Variants in TLL2 observed in about 807,000 individuals in gnomAD.
TLL2 encodes the protein tolloid-like protein 2.
A neutral mutation model predicts 123.0 loss-of-function variants in TLL2; 106 were observed. The ratio of observed to expected loss-of-function variants is 0.86; its 90% CI spans 0.74 to 1.01. TLL2 has a LOEUF of 1.01. TLL2 is among the 50% of genes least tolerant of loss of function. The pLI is 0.00. For synonymous variants in TLL2, 494 were observed against 516.8 expected (o/e 0.96, Z 0.60); for missense variants, 1,332 against 1,336.7 (o/e 1.00, Z 0.06).
intron 6 of TLL2, among the ~76,000 whole-genome samples, chr10:96,421,434 C>T (rs982748485): frequency 1.3e-5 from 2 of 152,174 alleles, no homozygotes; most frequent in African/African-American, 4.8e-5. Flanking sequence ...GAGGCCAAGG[C>T]GGGTGGATCG....
intron 2 of TLL2, among the ~76,000 whole-genome samples, chr10:96,479,769 C>A (rs192816835): frequency 3.9e-5 from 6 of 152,354 alleles, no homozygotes; most frequent in Admixed American, 3.9e-4. Flanking sequence ...TGCCACAGCC[C>A]ACCCCAAAGG....
At chr10:96,430,794 A>C (rs1005066482) in intron 4 of TLL2, among the ~76,000 whole-genome samples, 1 of 152,146 alleles carries the variant, frequency 6.6e-6, no homozygotes, top group Admixed American at 6.5e-5. Context: ...AAGTGGGAGG[A>C]TCGCTTGAGC....
chr10:96,432,780 A>C, intron 4 of TLL2, 27 bp downstream of exon 4: 1 of 1,607,928 alleles, frequency 6.2e-7, no homozygotes, highest in Non-Finnish European at 8.5e-7. Flanking sequence ...CCCTGACCCA[A>C]AGCAGACCTT....
At chr10:96,413,424 C>T in intron 7 of TLL2, 108 bp from the exon 8 acceptor site, 2 of 1,389,644 alleles carry the variant, frequency 1.4e-6, no homozygotes, top group South Asian at 1.4e-5. Context: ...AACATTCCTG[C>T]CCCCTGGCCA....
At chr10:96,476,382 T>G (rs537319437) in intron 2 of TLL2, among the ~76,000 whole-genome samples, 79 of 150,778 alleles carry the variant, frequency 5.2e-4, no homozygotes, top group Non-Finnish European at 7.8e-4. Context: ...TGCCTCAGCC[T>G]CCAAAGTAGC....
At chr10:96,502,497 G>T (rs767755845) in intron 1 of TLL2, among the ~76,000 whole-genome samples, 2 of 152,184 alleles carry the variant, frequency 1.3e-5, no homozygotes, top group Non-Finnish European at 2.9e-5. Context: ...TTTGGAAACA[G>T]AATTGACAGC....
chr10:96,385,882 G>A (rs919617315), intron 15 of TLL2, among the ~76,000 whole-genome samples, 173 bp downstream of exon 15: 1 of 152,092 alleles, frequency 6.6e-6, no homozygotes, highest in Non-Finnish European at 1.5e-5. Context: ...GAGGGCGTGC[G>A]GCTGAAACTG....
At chr10:96,480,566 G>T in intron 1 of TLL2, 107 bp from the exon 2 acceptor site, 1 of 849,730 alleles carries the variant, frequency 1.2e-6, no homozygotes, top group Non-Finnish European at 2.0e-6. Context: ...CTTTGGAAAA[G>T]ACAGCCCATC....
At chr10:96,405,700 A>G (rs1057157206) in intron 9 of TLL2, among the ~76,000 whole-genome samples, 5 of 152,124 alleles carry the variant, frequency 3.3e-5, no homozygotes, top group African/African-American at 9.7e-5. Context: ...ATACAAGAAG[A>G]TCTTATAACA....
At chr10:96,368,328 G>A (rs1846048570) in intron 20 of TLL2, 106 bp from the exon 21 acceptor site, 1 of 1,354,098 alleles carries the variant, frequency 7.4e-7, no homozygotes, top group African/African-American at 1.5e-5. Flanking sequence ...TGTGTCTCTG[G>A]TACCAGAGAC....
chr10:96,394,420 G>A (rs926540462), intron 13 of TLL2, among the ~76,000 whole-genome samples: 9 of 151,988 alleles, frequency 5.9e-5, no homozygotes, highest in African/African-American at 1.9e-4. Flanking sequence ...CCGTTCAAAG[G>A]AGGGTTGGAA....
chr10:96,406,358 C>G (rs55676033), intron 9 of TLL2, among the ~76,000 whole-genome samples: 11,451 of 152,176 alleles, frequency 0.075, 586 homozygotes, highest in African/African-American at 0.14. Context: ...CTCACCTTTC[C>G]TCATGCCCCA....
chr10:96,489,738 A>G (rs1847392746), intron 1 of TLL2, among the ~76,000 whole-genome samples: 1 of 152,220 alleles, frequency 6.6e-6, no homozygotes, highest in Non-Finnish European at 1.5e-5. Flanking sequence ...ACAAATTGTA[A>G]ATGATACAAT....
chr10:96,439,428 G>A (rs1270671505), intron 3 of TLL2, among the ~76,000 whole-genome samples: 1 of 151,894 alleles, frequency 6.6e-6, no homozygotes, highest in African/African-American at 2.4e-5. Flanking sequence ...AAACTTGCCT[G>A]GGTCTCTCTC....
chr10:96,366,197 G>C lies in TLL2; in HGVS notation c.*1891C>G, dbSNP rs1333775407. 6.6e-6 allele frequency: 1 copy of C among 152,536 alleles called. No individual in the cohort carries two copies. Among genetic ancestry groups the C allele is most frequent in the Non-Finnish European group, 1.5e-5 (1 of 68,060 alleles). 9.4% of individuals were successfully genotyped at this position (152,536 alleles called of 1,614,324 possible). On this transcript the variant is annotated 3_prime_UTR_variant, in exon 21 of 21. Transcript: ENST00000357947. ...ACCCTAACAGGCAGGTGGGATTGGA[G>C]CCATGAGGTCAGCTGCTCCATTTGC...
At chr10:96,477,064 A>G (rs1847266093) in intron 2 of TLL2, among the ~76,000 whole-genome samples, 1 of 142,874 alleles carries the variant, frequency 7.0e-6, no homozygotes, top group Non-Finnish European at 1.5e-5. Flanking sequence ...TACAACAAGC[A>G]GCATTAGTTT....
In TLL2 at chr10:96,422,653, C is replaced by T. The variant is rs553324585; in HGVS notation, c.713G>A (p.Gly238Asp). 1 of 1,614,202 alleles carries T rather than the reference C, an allele frequency of 6.2e-7. No individual in the cohort carries two copies. The highest frequency in any genetic ancestry group is 8.5e-7 in the Non-Finnish European group (1 of 1,180,040). ...ISIGKNCDKF[G>D]IVAHELGHVV... is the part of the protein sequence containing the mutation. ...ATGGCCCAGCTCGTGAGCCACAATG[C>T]CAAACTTGTCACAGTTCTTCCCAAT... Residue 238 changes from glycine (G) to aspartate (D), a missense_variant, in exon 6 of 21, where the codon GGC (glycine) becomes GAC (aspartate). Physicochemically the swap from Gly to Asp is moderately conservative, Grantham distance 94 (BLOSUM62 -1). Transcript: ENST00000357947.
intron 2 of TLL2, 115 bp from the exon 3 acceptor site, chr10:96,446,283 C>T (rs773024197): frequency 3.0e-5 from 28 of 922,192 alleles, no homozygotes; most frequent in Non-Finnish European, 3.9e-5. Flanking sequence ...ACCACGGATT[C>T]GTAAGCTTCG....
intron 1 of TLL2, among the ~76,000 whole-genome samples, chr10:96,504,825 T>G (rs979534487): frequency 1.3e-4 from 20 of 152,050 alleles, no homozygotes; most frequent in African/African-American, 4.6e-4. Context: ...GCTAACACGT[T>G]TCACCGTGTC....
Sources: gnomAD v4.1 joint callset for allele counts (sites outside exome capture counted in the v4.1 genomes callset) on GRCh38, gnomAD v4.1.1 for gene constraint, MANE v1.5 for transcripts, NCBI Gene and HGNC (gene_info 2026-07-23, HGNC 2026-07-21) for gene names.